Variants in SGCD observed in about 807,000 individuals in gnomAD.
SGCD encodes the protein sarcoglycan delta, also known as delta-sarcoglycan.
In SGCD, 18 loss-of-function variants were observed where a neutral mutation model predicts 36.6. That is an observed-to-expected ratio of 0.49 (90% CI 0.34 to 0.73). The LOEUF (loss-of-function observed/expected upper bound fraction) is 0.73, where lower values mean the gene tolerates loss of function less well. Among genes scored for constraint, SGCD ranks in the 30% least tolerant of loss-of-function variants. The probability of loss-of-function intolerance (pLI) is 0.01; values close to 1 mark genes in which losing one functional copy is unlikely to be tolerated. For missense variants in SGCD, 387 were observed against 346.7 expected, an observed-to-expected ratio of 1.12 and a Z score of -0.92; for synonymous variants, 133 against 130.6, an observed-to-expected ratio of 1.02 and a Z score of -0.12.
intron 3 of SGCD, among the ~76,000 whole-genome samples, chr5:156,503,588 T>C (rs1455920700): frequency 6.6e-6 from 1 of 152,210 alleles, no homozygotes; most frequent in African/African-American, 2.4e-5. Context: ...GCTATTATCC[T>C]AATGACTACG....
intron 3 of SGCD, among the ~76,000 whole-genome samples, chr5:156,130,450 G>C (rs1364462102): frequency 6.6e-6 from 1 of 152,120 alleles, no homozygotes; most frequent in Non-Finnish European, 1.5e-5. Flanking sequence ...TCTGTTGAAA[G>C]TTACTTTTTA....
In SGCD at chr5:156,062,202, G is replaced by A. The variant is rs1284981681; in HGVS notation, c.-281-55676G>A. On this transcript the variant is annotated intron_variant, in intron 1 of 9. Transcript: ENST00000517913. ...GCGGTGTTTGGTTTTTTGTTCTTGC[G>A]ATAGTTTACTGAGAATGATGGTTTC... is the stretch of plus-strand genomic sequence containing the variant. 3.1e-4 allele frequency among the ~76,000 whole-genome samples: 24 copies of A among 78,186 alleles called. 2 individuals are homozygous for A. Among genetic ancestry groups the A allele is most frequent in the Non-Finnish European group, 3.7e-4 (17 of 46,252 alleles). The allele number at this position is 78,186 out of a possible 152,430, so 51.3% of individuals were successfully genotyped here. A position where few individuals can be genotyped will look rare whatever the true frequency, so the allele number is the denominator to read the frequency against.
chr5:155,882,451 A>C (rs966959841), intron 1 of SGCD, among the ~76,000 whole-genome samples: 4 of 152,214 alleles, frequency 2.6e-5, no homozygotes, highest in Non-Finnish European at 5.9e-5. Flanking sequence ...GCCAAGGTCC[A>C]TCAGAAGAAT....
rs541499981 is a variant in SGCD, at chr5:156,457,230, G to A, written c.193-51371G>A. On this transcript the variant is annotated intron_variant, in intron 3 of 8. Coordinates refer to ENST00000337851, the MANE Select transcript of SGCD (RefSeq NM_000337.6). ...TAAAAATACAAATATTTCTAAAATA[G>A]CATTTTTTAAAAACTTGCTTTCATT... 4.6e-5 allele frequency among the ~76,000 whole-genome samples: 7 copies of A among 152,204 alleles called. No individual in the cohort carries two copies. The South Asian group carries it at 6.2e-4, about 14-fold the overall frequency.
At chr5:156,026,152 A>G (rs1759221825) in intron 1 of SGCD, among the ~76,000 whole-genome samples, 1 of 152,252 alleles carries the variant, frequency 6.6e-6, no homozygotes, top group Admixed American at 6.5e-5. Flanking sequence ...GCAACTTAGT[A>G]CTGTGGGTGG....
intron 3 of SGCD, among the ~76,000 whole-genome samples, chr5:156,376,259 T>G (rs997100098): frequency 6.6e-6 from 1 of 152,116 alleles, no homozygotes; most frequent in Non-Finnish European, 1.5e-5. Flanking sequence ...ACAGCAAACA[T>G]AGAGTGAGAG....
intron 1 of SGCD, among the ~76,000 whole-genome samples, chr5:156,090,151 G>T (rs1230874701): frequency 6.6e-6 from 1 of 152,114 alleles, no homozygotes; most frequent in Non-Finnish European, 1.5e-5. Flanking sequence ...GCCTGGGTAG[G>T]CACAGAAACT....
chr5:156,036,566 C>T (rs780960783), intron 1 of SGCD, among the ~76,000 whole-genome samples: 16 of 152,154 alleles, frequency 1.1e-4, no homozygotes, highest in Non-Finnish European at 1.9e-4. Context: ...CGTTAAGATG[C>T]TACCTTTGGT....
intron 3 of SGCD, among the ~76,000 whole-genome samples, chr5:156,475,724 C>G (rs755655783): frequency 6.6e-6 from 1 of 152,092 alleles, no homozygotes; most frequent in Non-Finnish European, 1.5e-5. Context: ...AGAGTTCTTC[C>G]GAAGTGTATA....
At chr5:156,255,096 T>A (rs1765682615) in intron 3 of SGCD, among the ~76,000 whole-genome samples, 1 of 152,298 alleles carries the variant, frequency 6.6e-6, no homozygotes, top group African/African-American at 2.4e-5. Flanking sequence ...AATGTGTATA[T>A]GAAACGTAAA....
intron 7 of SGCD, among the ~76,000 whole-genome samples, chr5:156,699,612 T>C (rs1754452501): frequency 6.6e-6 from 1 of 152,194 alleles, no homozygotes; most frequent in African/African-American, 2.4e-5. Flanking sequence ...TTTCTAAATT[T>C]CCTTGAATTA....
At chr5:156,316,792 G>C (rs188866322) in intron 3 of SGCD, among the ~76,000 whole-genome samples, 1 of 152,134 alleles carries the variant, frequency 6.6e-6, no homozygotes, top group East Asian at 1.9e-4. Context: ...AACCTACACT[G>C]TCTAAAGATT....
rs566379747 is a variant in SGCD at position 156,332,465 on chromosome 5, G to A, written c.3+2886G>A. Among the ~76,000 whole-genome samples, 12 of 152,248 alleles carry A rather than the reference G, an allele frequency of 7.9e-5. No individual in the cohort carries two copies. In the South Asian group the frequency reaches 2.1e-3, roughly 26 times the overall value. ...ATTCATTGACCCCGCTATCTGACCTGTACATGTTTACATTTGTCTGCTCTA... is the reference window on the plus strand; with the variant it reads ...ATTCATTGACCCCGCTATCTGACCTATACATGTTTACATTTGTCTGCTCTA... On this transcript the variant is annotated intron_variant, in intron 2 of 8. Coordinates refer to ENST00000337851, the MANE Select transcript of SGCD (RefSeq NM_000337.6).
intron 3 of SGCD, among the ~76,000 whole-genome samples, chr5:156,361,092 G>T (rs1769766273): frequency 6.6e-6 from 1 of 152,194 alleles, no homozygotes; most frequent in African/African-American, 2.4e-5. Context: ...CCTAACCTGG[G>T]TGCTGCTGCA....
At chr5:156,230,685 C>A (rs757864855) in intron 3 of SGCD, among the ~76,000 whole-genome samples, 2 of 152,086 alleles carry the variant, frequency 1.3e-5, no homozygotes, top group Non-Finnish European at 2.9e-5. Flanking sequence ...ATTCTCGATG[C>A]GAACCTCCAC....
the SGCD span, among the ~76,000 whole-genome samples, chr5:155,782,318 C>A: frequency 6.6e-6 from 1 of 152,044 alleles, no homozygotes; most frequent in East Asian, 1.9e-4. Context: ...AGCCACCACA[C>A]CCGGCCTCAT....
At chr5:156,240,256 A>G (rs1174442067) in intron 3 of SGCD, among the ~76,000 whole-genome samples, 2 of 152,180 alleles carry the variant, frequency 1.3e-5, no homozygotes, top group East Asian at 1.9e-4. Context: ...TTTAAAATAT[A>G]TTATATTCAA....
chr5:155,784,119 G>A, the SGCD span, among the ~76,000 whole-genome samples: 10 of 152,198 alleles, frequency 6.6e-5, no homozygotes, highest in Non-Finnish European at 1.0e-4. Context: ...CATATGCCAC[G>A]TAGGGACTGG....
chr5:156,122,831 T>G (rs113484076), intron 2 of SGCD, among the ~76,000 whole-genome samples: 1 of 82,812 alleles, frequency 1.2e-5, no homozygotes, highest in Non-Finnish European at 2.2e-5. Context: ...AGCATGGTAG[T>G]AAAAGATGTG....
Sources: gnomAD v4.1 joint callset for allele counts (sites outside exome capture counted in the v4.1 genomes callset) on GRCh38, gnomAD v4.1.1 for gene constraint, MANE v1.5 for transcripts, NCBI Gene and HGNC (gene_info 2026-07-23, HGNC 2026-07-21) for gene names.